The following MTA3 variants were observed in gnomAD, a reference collection of about 807,000 sequenced individuals.
MTA3 encodes the protein metastasis associated 1 family member 3.
In MTA3, 34 loss-of-function variants were observed where a neutral mutation model predicts 83.5. That is an observed-to-expected ratio of 0.41 (90% CI 0.31 to 0.54). The LOEUF (loss-of-function observed/expected upper bound fraction) is 0.54. Among genes scored for constraint, MTA3 ranks in the 20% least tolerant of loss-of-function variants. The pLI is 0.33. For missense variants in MTA3, 761 were observed against 726.4 expected (o/e 1.05, Z -0.55); for synonymous variants, 303 against 252.7 (o/e 1.20, Z -1.89).
chr2:42,567,929 CCT>C (rs1170927156), upstream of MTA3: 2 of 152,288 alleles, frequency 1.3e-5, no homozygotes, highest in Non-Finnish European at 2.9e-5. Flanking sequence ...AGAGCCAGGG[CCT>C]CCATCTGGGT....
chr2:42,632,591 A>G (rs917793069), intron 4 of MTA3, among the ~76,000 whole-genome samples: 8 of 152,018 alleles, frequency 5.3e-5, no homozygotes, highest in Admixed American at 6.6e-5. Context: ...CAAGAGAAGG[A>G]TATTTTTCCT....
intron 16 of MTA3, 45 bp downstream of exon 16, chr2:42,723,080 T>G (rs1333000050): frequency 6.5e-7 from 1 of 1,539,996 alleles, no homozygotes; most frequent in Non-Finnish European, 8.8e-7. Context: ...ATAGAGTGCC[T>G]TCACACTCAG....
chr2:42,670,057 C>T (rs1690654350), intron 8 of MTA3, among the ~76,000 whole-genome samples: 1 of 152,048 alleles, frequency 6.6e-6, no homozygotes, highest in Non-Finnish European at 1.5e-5. Context: ...GTCAGGAGTT[C>T]GAGACCAGCC....
chr2:42,713,342 C>T (rs768041219), intron 14 of MTA3, among the ~76,000 whole-genome samples: 1 of 120,042 alleles, frequency 8.3e-6, no homozygotes, highest in Non-Finnish European at 1.6e-5. Flanking sequence ...CTAGAGATTT[C>T]TCAGCTAAAG....
chr2:42,659,893 T>G (rs1445897359), intron 8 of MTA3, 31 bp downstream of exon 8: 3 of 1,531,902 alleles, frequency 2.0e-6, no homozygotes, highest in Non-Finnish European at 2.7e-6. Context: ...TTGTGGGTAT[T>G]TATCCTTCTG....
chr2:42,721,479 C>G (rs1426842175), intron 15 of MTA3, among the ~76,000 whole-genome samples: 1 of 151,900 alleles, frequency 6.6e-6, no homozygotes, highest in Non-Finnish European at 1.5e-5. Context: ...AGGTGTGCAC[C>G]ACCACACTTG....
At chr2:42,740,807 A>G (rs1451121725) in intron 16 of MTA3, among the ~76,000 whole-genome samples, 1 of 152,260 alleles carries the variant, frequency 6.6e-6, no homozygotes, top group East Asian at 1.9e-4. Flanking sequence ...AGAATAGATT[A>G]AGCATAATTC....
intron 2 of MTA3, among the ~76,000 whole-genome samples, chr2:42,560,247 C>T (rs1197553545): frequency 2.6e-5 from 4 of 151,136 alleles, no homozygotes; most frequent in Non-Finnish European, 5.9e-5. Context: ...GTCTTGAACT[C>T]CTGACCTGAG....
chr2:42,714,548 G>T (rs34602802), intron 14 of MTA3, among the ~76,000 whole-genome samples: 3,062 of 152,146 alleles, frequency 0.02, 40 homozygotes, highest in Middle Eastern at 0.058. Flanking sequence ...CCATCTCACT[G>T]CCCCCAGTAT....
At chr2:42,719,105 A>G (rs1667230992) in intron 15 of MTA3, 31 bp downstream of exon 15, 1 of 1,460,460 alleles carries the variant, frequency 6.8e-7, no homozygotes, top group Non-Finnish European at 9.4e-7. Flanking sequence ...GAAAAACTCA[A>G]AGAGCAATTT....
intron 3 of MTA3, among the ~76,000 whole-genome samples, chr2:42,596,237 C>T (rs1036957127): frequency 6.6e-6 from 1 of 152,220 alleles, no homozygotes; most frequent in Non-Finnish European, 1.5e-5. Flanking sequence ...AGACCTCAGT[C>T]AGCCTGCTAC....
At position 42,753,489 on chromosome 2, in the gene MTA3, C is replaced by T; in HGVS notation, c.*90C>T. 1 of 1,545,396 alleles carries T rather than the reference C, an allele frequency of 6.5e-7. No individual in the cohort carries two copies. Among genetic ancestry groups the T allele is most frequent in the African/African-American group, 1.4e-5 (1 of 73,070 alleles). ...GCCTGGGAAGAAGGCAGCCCCACTC[C>T]CAGTACATTTCAGTGGGAGACCTCT... On this transcript the variant is annotated 3_prime_UTR_variant, in exon 17 of 17. Transcript: ENST00000405094.
At chr2:42,531,063 C>G (rs2103720468) in intron 2 of MTA3, among the ~76,000 whole-genome samples, 1 of 152,262 alleles carries the variant, frequency 6.6e-6, no homozygotes, top group Admixed American at 6.5e-5. Context: ...CTCCTGACCT[C>G]AGGTGATCTG....
intron 9 of MTA3, among the ~76,000 whole-genome samples, chr2:42,684,084 G>C (rs1454349036): frequency 6.6e-6 from 1 of 152,072 alleles, no homozygotes; most frequent in East Asian, 1.9e-4. Context: ...CCCATGCAGT[G>C]GGGTAAATAC....
intron 16 of MTA3, among the ~76,000 whole-genome samples, chr2:42,747,350 G>A (rs1669519369): frequency 1.3e-5 from 2 of 152,058 alleles, no homozygotes; most frequent in Non-Finnish European, 2.9e-5. Flanking sequence ...TTCCTCCTGG[G>A]GGCAGGATCC....
intron 2 of MTA3, among the ~76,000 whole-genome samples, chr2:42,573,914 G>C (rs1423084578): frequency 6.6e-6 from 1 of 151,762 alleles, no homozygotes. Flanking sequence ...CGCCTCCTGG[G>C]TTCACACCAT....
intron 2 of MTA3, among the ~76,000 whole-genome samples, chr2:42,571,599 T>C (rs971470952): frequency 3.3e-5 from 5 of 152,166 alleles, no homozygotes; most frequent in Non-Finnish European, 7.4e-5. Context: ...TTTTAGTGAA[T>C]TAATATTTTC....
chr2:42,709,290 T>C, intron 14 of MTA3, 194 bp downstream of exon 14: 2 of 1,206,578 alleles, frequency 1.7e-6, no homozygotes, highest in South Asian at 1.7e-5. Context: ...AAAAAAAAAA[T>C]CAAAACATTG....
At chr2:42,576,593 C>G (rs571374431) in intron 2 of MTA3, among the ~76,000 whole-genome samples, 1 of 150,882 alleles carries the variant, frequency 6.6e-6, no homozygotes, top group African/African-American at 2.4e-5. Context: ...AATAAGACCC[C>G]CCATCTCTGA....
Sources: allele counts gnomAD v4.1 joint callset (sites outside exome capture counted in the v4.1 genomes callset), GRCh38; gene constraint gnomAD v4.1.1; transcripts MANE v1.5; gene names NCBI Gene and HGNC (gene_info 2026-07-23, HGNC 2026-07-21).